LYPD6B: variants seen among roughly 807,000 people sequenced by gnomAD.
LYPD6B encodes ly6/PLAUR domain-containing protein 6B.
In LYPD6B, 17 loss-of-function variants were observed where a neutral mutation model predicts 22.8. The observed-to-expected ratio is 0.75, with a 90% CI of 0.51 to 1.12. The LOEUF is 1.12. Among genes scored for constraint, LYPD6B ranks in the 50% most tolerant of loss-of-function variants. The pLI, the probability that LYPD6B is intolerant of heterozygous loss-of-function variation, is 0.00. For synonymous variants in LYPD6B, 106 were observed against 91.6 expected, an observed-to-expected ratio of 1.16 and a Z score of -0.90; for missense variants, 221 against 258.3, an observed-to-expected ratio of 0.86 and a Z score of 0.99.
At chr2:149,147,813 C>T (rs1457380541) in intron 2 of LYPD6B, among the ~76,000 whole-genome samples, 9 of 151,836 alleles carry the variant, frequency 5.9e-5, no homozygotes, top group Non-Finnish European at 1.5e-5. Context: ...TGCGCCCAGC[C>T]TTGTGTGATG....
Position 149,080,654 on chromosome 2 carries a change from C to G in LYPD6B, c.-67+41853C>G, listed in dbSNP as rs531919369. 7.2e-5 allele frequency among the ~76,000 whole-genome samples: 11 copies of G among 152,028 alleles called. No individual in the cohort carries two copies. In the East Asian group the frequency reaches 2.1e-3, roughly 29 times the overall value. On this transcript the variant is annotated intron_variant, in intron 1 of 6. Coordinates refer to ENST00000409642, the MANE Select transcript of LYPD6B (RefSeq NM_177964.5). Reference sequence around the variant, plus strand: ...GTCAGGAGTTTGAGACCAGCCTGGACAACATGGTGAAACCCCGACTCTACT... The same window carrying G: ...GTCAGGAGTTTGAGACCAGCCTGGAGAACATGGTGAAACCCCGACTCTACT...
At chr2:149,056,264 CT>C (rs1558971306) in intron 1 of LYPD6B, among the ~76,000 whole-genome samples, 1 of 152,270 alleles carries the variant, frequency 6.6e-6, no homozygotes, top group East Asian at 1.9e-4. Context: ...CCACTGTATG[CT>C]TCAGGTACTG....
At chr2:149,097,700 A>G (rs1261765023) in intron 1 of LYPD6B, among the ~76,000 whole-genome samples, 1 of 152,218 alleles carries the variant, frequency 6.6e-6, no homozygotes, top group Non-Finnish European at 1.5e-5. Context: ...AAAGAAAGAA[A>G]GCAGAGTTTT....
intron 1 of LYPD6B, among the ~76,000 whole-genome samples, chr2:149,128,848 C>A (rs980112340): frequency 6.6e-6 from 1 of 152,104 alleles, no homozygotes; most frequent in African/African-American, 2.4e-5. Flanking sequence ...TTTTTCTTTG[C>A]TTTTGAGAGA....
chr2:149,054,242 A>G (rs1683689470), intron 1 of LYPD6B, among the ~76,000 whole-genome samples: 1 of 152,060 alleles, frequency 6.6e-6, no homozygotes, highest in African/African-American at 2.4e-5. Flanking sequence ...CAATTTTTCC[A>G]TATTCTTGCT....
At position 149,040,217 on chromosome 2, in the gene LYPD6B, CTCTCT is replaced by C. The variant is rs1359781504; in HGVS notation, c.-67+1418_-67+1422del. Among the ~76,000 whole-genome samples, 14 of 4,896 alleles carry C rather than the reference CTCTCT, an allele frequency of 2.9e-3. No individual in the cohort carries two copies. The Middle Eastern group carries it at 0.33, about 117-fold the overall frequency. 3.2% of individuals were successfully genotyped at this position (4,896 alleles called of 152,430 possible). A position where few individuals can be genotyped will look rare whatever the true frequency, so the allele number is the denominator to read the frequency against. ...AGTCTCTCTCTGTCTCTCTCTCTCT[CTCTCT>C]TTTTTTTTTTTTCTTTTGAGACAGA... is the stretch of plus-strand genomic sequence containing the variant. On this transcript the variant is annotated intron_variant, in intron 1 of 6. Transcript: ENST00000409642.
intron 3 of LYPD6B, among the ~76,000 whole-genome samples, chr2:149,177,174 C>G (rs1449641288): frequency 6.6e-6 from 1 of 152,122 alleles, no homozygotes; most frequent in Non-Finnish European, 1.5e-5. Flanking sequence ...AGAAATGGCC[C>G]CCAAACACGT....
intron 1 of LYPD6B, among the ~76,000 whole-genome samples, chr2:149,093,884 C>T (rs888001902): frequency 1.3e-5 from 2 of 152,128 alleles, no homozygotes; most frequent in East Asian, 1.9e-4. Context: ...GTGATGCATT[C>T]GCTTCTTCAT....
chr2:149,124,094 T>C (rs533246232), intron 1 of LYPD6B, among the ~76,000 whole-genome samples: 1 of 152,344 alleles, frequency 6.6e-6, no homozygotes, highest in East Asian at 1.9e-4. Context: ...CCAAACAGCA[T>C]ACTGAACTCT....
intron 1 of LYPD6B, among the ~76,000 whole-genome samples, chr2:149,117,694 G>A (rs959921794): frequency 1.1e-4 from 16 of 152,016 alleles, no homozygotes; most frequent in African/African-American, 3.9e-4. Flanking sequence ...CATGTTCTTT[G>A]GGTTATGTAG....
At chr2:149,057,403 A>G (rs901032361) in intron 1 of LYPD6B, among the ~76,000 whole-genome samples, 1 of 78,234 alleles carries the variant, frequency 1.3e-5, no homozygotes, top group Non-Finnish European at 3.6e-5. Flanking sequence ...TTTTTTTTTA[A>G]TTACAGTGCC....
chr2:149,197,399 CTA>C (rs1692879193), intron 3 of LYPD6B, among the ~76,000 whole-genome samples: 1 of 152,216 alleles, frequency 6.6e-6, no homozygotes, highest in Non-Finnish European at 1.5e-5. Context: ...ATAGTCCCAG[CTA>C]CTCAGGAGGC....
At chr2:149,133,312 G>C (rs1054396873) in intron 2 of LYPD6B, among the ~76,000 whole-genome samples, 2 of 152,152 alleles carry the variant, frequency 1.3e-5, no homozygotes, top group Non-Finnish European at 2.9e-5. Context: ...TAAGACCCAG[G>C]AAAGTTACTA....
chr2:149,046,865 A>G (rs1172988158), intron 1 of LYPD6B, among the ~76,000 whole-genome samples: 1 of 152,176 alleles, frequency 6.6e-6, no homozygotes, highest in African/African-American at 2.4e-5. Flanking sequence ...GCTTTAGACC[A>G]GGGGTCAACA....
intron 1 of LYPD6B, among the ~76,000 whole-genome samples, chr2:149,046,145 C>T (rs2105264366): frequency 6.6e-6 from 1 of 152,162 alleles, no homozygotes; most frequent in South Asian, 2.1e-4. Context: ...TATGTGATGT[C>T]CCTCTGTATT....
At chr2:149,117,805 T>G (rs1360571211) in intron 1 of LYPD6B, among the ~76,000 whole-genome samples, 2 of 152,212 alleles carry the variant, frequency 1.3e-5, no homozygotes, top group Non-Finnish European at 2.9e-5. Flanking sequence ...CTCCAAAATT[T>G]AGTGTTGTAA....
chr2:149,114,725 A>T (rs1231468446), intron 1 of LYPD6B, among the ~76,000 whole-genome samples: 1 of 152,150 alleles, frequency 6.6e-6, no homozygotes, highest in African/African-American at 2.4e-5. Flanking sequence ...CATTGCCAAG[A>T]CTATGTCTGA....
intron 3 of LYPD6B, chr2:149,204,718 G>A (rs1387071628): frequency 6.5e-6 from 1 of 153,498 alleles, no homozygotes; most frequent in African/African-American, 2.4e-5. Context: ...ATCTGGCAGA[G>A]ATTTTATTTC....
intron 2 of LYPD6B, among the ~76,000 whole-genome samples, chr2:149,148,990 G>T (rs1227899034): frequency 2.6e-5 from 4 of 152,168 alleles, no homozygotes; most frequent in African/African-American, 9.7e-5. Context: ...GTGTACGAGG[G>T]AGAGTACCCA....
Sources: allele counts gnomAD v4.1 joint callset (sites outside exome capture counted in the v4.1 genomes callset), GRCh38; gene constraint gnomAD v4.1.1; transcripts MANE v1.5; gene names NCBI Gene and HGNC (gene_info 2026-07-23, HGNC 2026-07-21).